Variants in CTIF observed in about 807,000 individuals in gnomAD.
The protein encoded by CTIF is cap binding complex dependent translation initiation factor, also known as CBP80/20-dependent translation initiation factor.
Under a neutral mutation model 66.0 loss-of-function variants are expected in CTIF, and 21 were observed. That is an observed-to-expected ratio of 0.32 (90% confidence interval 0.23 to 0.46). The LOEUF (loss-of-function observed/expected upper bound fraction) is 0.46. CTIF is among the 20% of genes least tolerant of loss of function. The pLI, the probability that CTIF is intolerant of heterozygous loss-of-function variation, is 1.00. For synonymous variants in CTIF, 345 were observed against 326.4 expected (o/e 1.06, Z -0.62); for missense variants, 739 against 812.7 (o/e 0.91, Z 1.10).
chr18:48,724,007 C>T (rs1383776154), intron 7 of CTIF, among the ~76,000 whole-genome samples: 5 of 152,222 alleles, frequency 3.3e-5, no homozygotes, highest in Admixed American at 6.5e-5. Flanking sequence ...GTACTTAGCA[C>T]CCACGGGGGA....
intron 6 of CTIF, among the ~76,000 whole-genome samples, chr18:48,681,861 C>T (rs939724865): frequency 6.6e-6 from 1 of 152,170 alleles, no homozygotes; most frequent in African/African-American, 2.4e-5. Context: ...TCTTGGCTCA[C>T]TGTAACCTCC....
At chr18:48,560,883 T>C (rs2089143096) in intron 1 of CTIF, among the ~76,000 whole-genome samples, 1 of 152,200 alleles carries the variant, frequency 6.6e-6, no homozygotes, top group East Asian at 1.9e-4. Flanking sequence ...TCCTTCCTTA[T>C]TACAGACCTT....
At chr18:48,670,851 G>C in intron 6 of CTIF, 107 bp downstream of exon 6, 1 of 949,954 alleles carries the variant, frequency 1.1e-6, no homozygotes. Flanking sequence ...GCTTGTTCCA[G>C]CAAGGAGTGT....
At chr18:48,746,904 C>T (rs1426288983) in intron 7 of CTIF, among the ~76,000 whole-genome samples, 2 of 152,108 alleles carry the variant, frequency 1.3e-5, no homozygotes, top group African/African-American at 4.8e-5. Flanking sequence ...CTTCCACTAC[C>T]TCACGTCCTC....
chr18:48,732,296 G>T (rs1317309489), intron 7 of CTIF, among the ~76,000 whole-genome samples: 2 of 152,168 alleles, frequency 1.3e-5, no homozygotes, highest in Non-Finnish European at 2.9e-5. Flanking sequence ...GATGCCTCAG[G>T]GGTAACAGAA....
At chr18:48,564,153 CCTGT>C (rs1371006148) in intron 1 of CTIF, among the ~76,000 whole-genome samples, 1 of 152,168 alleles carries the variant, frequency 6.6e-6, no homozygotes, top group Non-Finnish European at 1.5e-5. Flanking sequence ...TCCCCATGGT[CCTGT>C]CTATCTTAGG....
At chr18:48,707,645 T>C (rs2092174999) in intron 6 of CTIF, among the ~76,000 whole-genome samples, 1 of 152,010 alleles carries the variant, frequency 6.6e-6, no homozygotes, top group African/African-American at 2.4e-5. Context: ...CTTTTTTTCT[T>C]CCTCTGAACA....
chr18:48,785,106 C>T (rs530865760), intron 9 of CTIF, among the ~76,000 whole-genome samples: 23 of 152,316 alleles, frequency 1.5e-4, no homozygotes, highest in Middle Eastern at 6.8e-3. Flanking sequence ...TCCTACCATC[C>T]CATCTTCCTT....
chr18:48,565,954 C>T lies in CTIF; in HGVS notation c.-29+26642C>T, dbSNP rs73956918. On this transcript the variant is annotated intron_variant, in intron 1 of 11. Transcript: ENST00000256413. Reference sequence around the variant, plus strand: ...CCCTTTCCTTTGCCAGAGTGAGTTGCCCAAGAGGCTGAGGGTGGGCATGAG... The same window carrying T: ...CCCTTTCCTTTGCCAGAGTGAGTTGTCCAAGAGGCTGAGGGTGGGCATGAG... 1,198 of 152,420 alleles carry T rather than the reference C, an allele frequency of 7.9e-3. 12 individuals carry two copies. The highest frequency in any genetic ancestry group is 0.028 in the African/African-American group (1,144 of 41,558). 9.4% of individuals were successfully genotyped at this position (152,420 alleles called of 1,614,324 possible). A position where few individuals can be genotyped will look rare whatever the true frequency, so the allele number is the denominator to read the frequency against.
intron 6 of CTIF, chr18:48,683,281 C>T (rs559067191): frequency 2.2e-4 from 33 of 151,918 alleles, no homozygotes; most frequent in African/African-American, 7.9e-4. Flanking sequence ...GGAAAGGCTA[C>T]ATACTGTGGT....
At chr18:48,725,925 C>T (rs2092382738) in intron 7 of CTIF, among the ~76,000 whole-genome samples, 1 of 152,150 alleles carries the variant, frequency 6.6e-6, no homozygotes, top group East Asian at 1.9e-4. Context: ...GCCCTTATTC[C>T]AGCCTAATGT....
At chr18:48,705,532 C>G (rs2145428590) in intron 6 of CTIF, among the ~76,000 whole-genome samples, 1 of 152,352 alleles carries the variant, frequency 6.6e-6, no homozygotes, top group Non-Finnish European at 1.5e-5. Flanking sequence ...GGTTAGGACT[C>G]CAACCAGTCT....
chr18:48,750,339 G>A (rs1045215291), intron 7 of CTIF, among the ~76,000 whole-genome samples: 1 of 152,252 alleles, frequency 6.6e-6, no homozygotes, highest in South Asian at 2.1e-4. Context: ...GGGTTGAGGG[G>A]AGGCCTCAGA....
chr18:48,691,013 G>A (rs1287654886), intron 6 of CTIF, among the ~76,000 whole-genome samples: 1 of 152,168 alleles, frequency 6.6e-6, no homozygotes, highest in African/African-American at 2.4e-5. Flanking sequence ...CATGGTGCAC[G>A]TGCCTGTGAG....
intron 2 of CTIF, among the ~76,000 whole-genome samples, chr18:48,630,224 C>T (rs1032257707): frequency 4.6e-5 from 7 of 151,698 alleles, no homozygotes; most frequent in Admixed American, 1.3e-4. Flanking sequence ...GGATCACAAA[C>T]AGATGTAGGG....
chr18:48,840,746 G>A (rs1156735513), intron 10 of CTIF, among the ~76,000 whole-genome samples: 2 of 152,072 alleles, frequency 1.3e-5, no homozygotes, highest in South Asian at 2.1e-4. Flanking sequence ...CGGCCCAGCT[G>A]TCCCTACCCA....
intron 9 of CTIF, among the ~76,000 whole-genome samples, chr18:48,793,403 C>T (rs976522323): frequency 6.6e-6 from 1 of 152,208 alleles, no homozygotes; most frequent in African/African-American, 2.4e-5. Context: ...TGCCTGGGGG[C>T]CAGCTTTGCT....
At chr18:48,706,150 C>G (rs1331157056) in intron 6 of CTIF, among the ~76,000 whole-genome samples, 2 of 152,108 alleles carry the variant, frequency 1.3e-5, no homozygotes, top group African/African-American at 4.8e-5. Flanking sequence ...TCTCTCATCC[C>G]CTTGCCCTGT....
intron 2 of CTIF, among the ~76,000 whole-genome samples, chr18:48,620,995 T>C (rs1355302690): frequency 6.6e-6 from 1 of 151,926 alleles, no homozygotes; most frequent in Non-Finnish European, 1.5e-5. Context: ...AAAATAGATG[T>C]GATGCTTTCT....
Sources: allele counts gnomAD v4.1 joint callset (sites outside exome capture counted in the v4.1 genomes callset), GRCh38; gene constraint gnomAD v4.1.1; transcripts MANE v1.5; gene names NCBI Gene and HGNC (gene_info 2026-07-23, HGNC 2026-07-21).